The following DCLK1 variants were observed in gnomAD, a reference collection of about 807,000 sequenced individuals.
DCLK1 encodes the protein serine/threonine-protein kinase DCLK1.
DCLK1 carries 16 observed loss-of-function variants against 86.2 expected under a neutral mutation model. The ratio of observed to expected loss-of-function variants is 0.19; its 90% CI spans 0.13 to 0.28. The LOEUF (loss-of-function observed/expected upper bound fraction) is 0.28, where lower values mean the gene tolerates loss of function less well. DCLK1 is among the 10% of genes least tolerant of loss of function. The pLI is 1.00. For missense variants in DCLK1, 590 were observed against 940.2 expected, an observed-to-expected ratio of 0.63 and a Z score of 4.87; for synonymous variants, 369 against 370.5, an observed-to-expected ratio of 1.00 and a Z score of 0.05.
At chr13:36,014,548 C>T (rs1388656466) in intron 3 of DCLK1, among the ~76,000 whole-genome samples, 1 of 152,162 alleles carries the variant, frequency 6.6e-6, no homozygotes, top group Admixed American at 6.5e-5. Flanking sequence ...AAAGCCCAAT[C>T]CTGATGAACT....
At chr13:36,042,486 T>C (rs760955519) in intron 3 of DCLK1, among the ~76,000 whole-genome samples, 1 of 152,208 alleles carries the variant, frequency 6.6e-6, no homozygotes, top group Non-Finnish European at 1.5e-5. Flanking sequence ...TTCTTCTATG[T>C]GTGTCCTTAT....
At chr13:35,929,103 G>A (rs970492067) in intron 4 of DCLK1, among the ~76,000 whole-genome samples, 2 of 152,046 alleles carry the variant, frequency 1.3e-5, no homozygotes, top group Admixed American at 6.6e-5. Flanking sequence ...CTAATTTCTT[G>A]TATTTTTAGT....
At chr13:35,939,136 C>G (rs1447095939) in intron 4 of DCLK1, among the ~76,000 whole-genome samples, 1 of 152,090 alleles carries the variant, frequency 6.6e-6, no homozygotes, top group Admixed American at 6.5e-5. Flanking sequence ...GGAACGTCTC[C>G]AGAAACCCTT....
intron 4 of DCLK1, among the ~76,000 whole-genome samples, chr13:35,894,930 A>G (rs1052559137): frequency 9.2e-5 from 14 of 152,224 alleles, no homozygotes; most frequent in Admixed American, 5.9e-4. Context: ...ATCATATTCA[A>G]GTAGACTTTG....
At chr13:35,848,708 T>C in intron 6 of DCLK1, 1 of 985,380 alleles carries the variant, frequency 1.0e-6, no homozygotes, top group Non-Finnish European at 1.2e-6. Context: ...AAGTTAAAAT[T>C]ATTGGAATTT....
chr13:35,971,289 G>T (rs1164723224), intron 3 of DCLK1, among the ~76,000 whole-genome samples: 1 of 152,154 alleles, frequency 6.6e-6, no homozygotes, highest in Non-Finnish European at 1.5e-5. Flanking sequence ...AAGAAGAAAA[G>T]AATTAAAAGG....
intron 3 of DCLK1, among the ~76,000 whole-genome samples, chr13:35,968,058 A>G (rs1566625544): frequency 6.6e-6 from 1 of 151,936 alleles, no homozygotes; most frequent in Non-Finnish European, 1.5e-5. Flanking sequence ...AAAAAAAAAA[A>G]TGAATGAAAA....
chr13:35,874,456 C>T (rs911655051), intron 4 of DCLK1, among the ~76,000 whole-genome samples: 1 of 151,990 alleles, frequency 6.6e-6, no homozygotes. Context: ...CAAATTCTGC[C>T]TTGTGATATT....
At chr13:35,948,999 C>T (rs1157148070) in intron 3 of DCLK1, among the ~76,000 whole-genome samples, 22 of 152,140 alleles carry the variant, frequency 1.4e-4, no homozygotes, top group Admixed American at 1.4e-3. Flanking sequence ...CTAGCATCAT[C>T]TCAATCAACC....
At chr13:35,838,072 A>AAAAAAAAAAAAAAAAAAG (rs1555343219) in intron 7 of DCLK1, among the ~76,000 whole-genome samples, 3 of 149,836 alleles carry the variant, frequency 2.0e-5, no homozygotes, top group African/African-American at 5.0e-5. Context: ...TCTCAAAAAA[A>AAAAAAAAAAAAAAAAAAG]AAAAGAAAAG....
At chr13:35,957,092 C>T (rs779299544) in intron 3 of DCLK1, among the ~76,000 whole-genome samples, 8 of 152,112 alleles carry the variant, frequency 5.3e-5, no homozygotes, top group Admixed American at 4.6e-4. Context: ...GATTCTCCTA[C>T]TAAGTGTTTA....
chr13:35,941,580 T>C (rs2322828), intron 4 of DCLK1, among the ~76,000 whole-genome samples: 140,785 of 152,156 alleles, frequency 0.93, 65,255 homozygotes, highest in East Asian at 1. Flanking sequence ...CAGGCACACA[T>C]ACACGTGCAC....
chr13:35,807,237 A>C (rs2087045185), intron 14 of DCLK1, among the ~76,000 whole-genome samples: 1 of 152,222 alleles, frequency 6.6e-6, no homozygotes, highest in Non-Finnish European at 1.5e-5. Context: ...GGTAAAATAT[A>C]CATAAAATTT....
chr13:36,043,314 T>G (rs1882758930), intron 3 of DCLK1, among the ~76,000 whole-genome samples: 1 of 151,508 alleles, frequency 6.6e-6, no homozygotes, highest in African/African-American at 2.4e-5. Context: ...CTTTTAAAGC[T>G]CCTAGAAATT....
At chr13:36,000,547 G>T (rs1000389334) in intron 3 of DCLK1, among the ~76,000 whole-genome samples, 3 of 151,838 alleles carry the variant, frequency 2.0e-5, no homozygotes, top group Non-Finnish European at 4.4e-5. Flanking sequence ...AATATTATAT[G>T]AATTAGTATT....
chr13:36,089,573 C>T (rs1412238175), intron 3 of DCLK1, among the ~76,000 whole-genome samples: 2 of 152,178 alleles, frequency 1.3e-5, no homozygotes, highest in African/African-American at 2.4e-5. Context: ...AGTTTCCCAT[C>T]ACTCTCTTCT....
intron 4 of DCLK1, among the ~76,000 whole-genome samples, chr13:35,884,856 A>T (rs956071416): frequency 6.6e-6 from 1 of 152,158 alleles, no homozygotes; most frequent in Non-Finnish European, 1.5e-5. Context: ...TTGGATGATG[A>T]TTCGTCATAG....
chr13:36,057,349 C>A (rs1161838128), intron 3 of DCLK1, among the ~76,000 whole-genome samples: 1 of 152,072 alleles, frequency 6.6e-6, no homozygotes, highest in African/African-American at 2.4e-5. Flanking sequence ...CTTTAAAAAA[C>A]CTGAAGGTAT....
At chr13:35,939,458 G>A (rs1181364729) in intron 4 of DCLK1, among the ~76,000 whole-genome samples, 1 of 152,210 alleles carries the variant, frequency 6.6e-6, no homozygotes, top group Non-Finnish European at 1.5e-5. Flanking sequence ...TGCCCAGGCA[G>A]GAGTGGCGCA....
Sources: allele counts gnomAD v4.1 joint callset (sites outside exome capture counted in the v4.1 genomes callset), GRCh38; gene constraint gnomAD v4.1.1; transcripts MANE v1.5; gene names NCBI Gene and HGNC (gene_info 2026-07-23, HGNC 2026-07-21).